The following SPG11 variants were observed in gnomAD, a reference collection of about 807,000 sequenced individuals.
The protein encoded by SPG11 is spatacsin.
In SPG11, 222 loss-of-function variants were observed where a neutral mutation model predicts 274.0. The ratio of observed to expected loss-of-function variants is 0.81; its 90% confidence interval spans 0.73 to 0.91. The LOEUF (loss-of-function observed/expected upper bound fraction) is 0.91. Ranked by LOEUF, SPG11 falls within the 40% of genes least tolerant of loss-of-function variation. The pLI is 0.00. For missense variants in SPG11, 3,114 were observed against 2,872.7 expected, an observed-to-expected ratio of 1.08 and a Z score of -1.92; for synonymous variants, 1,144 against 1,039.7, an observed-to-expected ratio of 1.10 and a Z score of -1.93.
At position 44,573,676 on chromosome 15, in the gene SPG11, A is replaced by G; in HGVS notation, c.6076T>C (p.Ser2026Pro). The G allele has an allele frequency of 6.2e-7, 1 of 1,614,188 alleles. No individual in the cohort carries two copies. The highest frequency in any genetic ancestry group is 8.5e-7 in the Non-Finnish European group (1 of 1,180,032). The change falls in exon 32 of 40, where the codon TCT becomes CCT. Residue 2026 changes from serine (S) to proline (P), a missense_variant. By Grantham distance (74) the Ser-to-Pro change is moderately conservative. Coordinates refer to ENST00000261866, the MANE Select transcript of SPG11 (RefSeq NM_025137.4). Reference protein sequence around the residue: ...GEAMLRKILASQQPDRCKRAQ... With the variant: ...GEAMLRKILAPQQPDRCKRAQ... ...CGTTTGCATCGGTCAGGCTGCTGAG[A>G]GGCCAAGATTTTCCGGAGCATGGCT...
At chr15:44,599,913 T>C (rs1452464286) in intron 21 of SPG11, among the ~76,000 whole-genome samples, 1 of 152,178 alleles carries the variant, frequency 6.6e-6, no homozygotes. Flanking sequence ...TACATAGGTA[T>C]ACATGTGCCA....
chr15:44,636,933 A>AC (rs2084280461), intron 7 of SPG11, among the ~76,000 whole-genome samples: 2 of 120,848 alleles, frequency 1.7e-5, no homozygotes, highest in South Asian at 2.8e-4. Flanking sequence ...CTCAAAAAAA[A>AC]AAAAAAAAAA....
In SPG11 at chr15:44,596,140, C is replaced by G; in HGVS notation, c.4377G>C (p.Leu1459=). Residue 1459 remains leucine (L), a synonymous_variant, in exon 25 of 40, where the codon CTG becomes CTC. Coordinates refer to ENST00000261866, the MANE Select transcript of SPG11 (RefSeq NM_025137.4). ...GGGCCTGTTGTTTCACTGCTTCAAC[C>G]AGAAGCCAGTGCCAGGAGTCTGGCT... The part of the protein sequence containing the change: ...SEEPDSWHWL[L]VEAVKQQAPI... 6.2e-7 allele frequency: 1 copy of G among 1,614,120 alleles called. No homozygotes were observed. The highest frequency in any genetic ancestry group is 8.5e-7 in the Non-Finnish European group (1 of 1,180,038).
Position 44,663,623 on chromosome 15 carries a change from T to A in SPG11, c.25A>T (p.Ser9Cys), listed in dbSNP as rs2085192599. The change falls in exon 1 of 40, where the codon AGT (serine) becomes TGT (cysteine). Residue 9 changes from serine (S) to cysteine (C), a missense_variant. By Grantham distance (112) the Ser-to-Cys change is moderately radical. Transcript: ENST00000261866. Reference sequence around the variant, plus strand: ...CAGCTACCGCCGGCGGAAGCAGCACTCGCGACCCCTTCCTCTGCAGCCATC... The same window carrying A: ...CAGCTACCGCCGGCGGAAGCAGCACACGCGACCCCTTCCTCTGCAGCCATC... MAAEEGVA[S>C]AASAGGSWGT... 1 of 1,596,004 alleles carries A rather than the reference T, an allele frequency of 6.3e-7. No individual in the cohort carries two copies. The highest frequency in any genetic ancestry group is 8.5e-7 in the Non-Finnish European group (1 of 1,176,332).
chr15:44,634,030 G>C (rs986085132), intron 7 of SPG11, among the ~76,000 whole-genome samples: 1 of 152,016 alleles, frequency 6.6e-6, no homozygotes, highest in African/African-American at 2.4e-5. Context: ...GTAGAGACAG[G>C]GTTTCACTGT....
At chr15:44,567,673 G>C (rs2082338268) in intron 35 of SPG11, 81 bp from the exon 36 acceptor site, 1 of 1,466,978 alleles carries the variant, frequency 6.8e-7, no homozygotes, top group African/African-American at 1.4e-5. Flanking sequence ...ACCTTGTTCT[G>C]CATTCCTTAA....
chr15:44,596,945 T>G lies in SPG11; in HGVS notation c.4002-2A>C. The G allele has an allele frequency of 6.2e-7, 1 of 1,613,862 alleles. No individual in the cohort carries two copies. On this transcript the variant is annotated splice_acceptor_variant, in intron 23 of 39. Transcript: ENST00000261866. LOFTEE classifies it high-confidence loss of function. ...TGGCTGCTAGATTCACTGGATAACCTATAATCAGAATTAGAGGTGGGGGTG... is the reference window on the plus strand; with the variant it reads ...TGGCTGCTAGATTCACTGGATAACCGATAATCAGAATTAGAGGTGGGGGTG...
chr15:44,660,771 G>A (rs2085082423), intron 1 of SPG11, among the ~76,000 whole-genome samples, 155 bp from the exon 2 acceptor site: 1 of 152,102 alleles, frequency 6.6e-6, no homozygotes, highest in East Asian at 1.9e-4. Flanking sequence ...ACTGCTCTAG[G>A]ACCTCCCTCC....
chr15:44,564,388 C>G (rs1007390691), intron 39 of SPG11, among the ~76,000 whole-genome samples, 159 bp downstream of exon 39: 4 of 152,170 alleles, frequency 2.6e-5, no homozygotes, highest in African/African-American at 9.7e-5. Flanking sequence ...TTGCATAAAT[C>G]TGTTAAAAGA....
At position 44,592,329 on chromosome 15, in the gene SPG11, A is replaced by C; in HGVS notation, c.4743+2T>G. 1.3e-6 allele frequency: 2 copies of C among 1,571,556 alleles called. No individual in the cohort carries two copies. Among genetic ancestry groups the C allele is most frequent in the Non-Finnish European group, 1.8e-6 (2 of 1,141,492 alleles). On this transcript the variant is annotated splice_donor_variant, in intron 27 of 39. Coordinates refer to ENST00000261866, the MANE Select transcript of SPG11 (RefSeq NM_025137.4). LOFTEE classifies it high-confidence loss of function. Reference sequence around the variant, plus strand: ...AGAAAGAGCACCATAATTCCAACTTACCGTTTCAAGGCTCTTCTGAAACTC... The same window carrying C: ...AGAAAGAGCACCATAATTCCAACTTCCCGTTTCAAGGCTCTTCTGAAACTC...
intron 16 of SPG11, 96 bp from the exon 17 acceptor site, chr15:44,613,632 G>C (rs1217919784): frequency 1.3e-6 from 1 of 747,046 alleles, no homozygotes; most frequent in Non-Finnish European, 2.3e-6. Flanking sequence ...TTTAAAAAAA[G>C]AATCTTGGAA....
At chr15:44,643,698 A>G (rs115147684) in intron 7 of SPG11, among the ~76,000 whole-genome samples, 1,628 of 152,272 alleles carry the variant, frequency 0.011, 34 homozygotes, top group African/African-American at 0.038. Context: ...TCATAAGACT[A>G]AAACACTTTT....
At chr15:44,637,309 T>C (rs2084307242) in intron 7 of SPG11, among the ~76,000 whole-genome samples, 1 of 152,054 alleles carries the variant, frequency 6.6e-6, no homozygotes, top group African/African-American at 2.4e-5. Context: ...GGAAGATACA[T>C]TTTGTTTTCC....
At chr15:44,610,392 CT>C (rs372939206) in intron 18 of SPG11, among the ~76,000 whole-genome samples, 16 of 151,116 alleles carry the variant, frequency 1.1e-4, no homozygotes, top group African/African-American at 3.9e-4. Context: ...AATTTCTTTT[CT>C]TTTTTTTGAG....
intron 33 of SPG11, among the ~76,000 whole-genome samples, chr15:44,571,044 A>T (rs889275359): frequency 6.6e-6 from 1 of 152,196 alleles, no homozygotes; most frequent in African/African-American, 2.4e-5. Flanking sequence ...CTCAGGGCCT[A>T]ATCAAGTGCC....
chr15:44,605,924 A>C, intron 20 of SPG11, 101 bp downstream of exon 20: 1 of 1,046,980 alleles, frequency 9.6e-7, no homozygotes, highest in East Asian at 2.5e-5. Flanking sequence ...CTTTACTTTT[A>C]AAATAAAAAT....
rs761871474 is a variant in SPG11 at position 44,569,393 on chromosome 15, C to T, written c.6585+5G>A. 1.9e-6 allele frequency: 3 copies of T among 1,589,446 alleles called. No homozygotes were observed. The highest frequency in any genetic ancestry group is 1.7e-6 in the Non-Finnish European group (2 of 1,164,568). On this transcript the variant is annotated splice_donor_5th_base_variant and intron_variant, in intron 35 of 39. Coordinates refer to ENST00000261866, the MANE Select transcript of SPG11 (RefSeq NM_025137.4). Reference sequence around the variant, plus strand: ...CCATCCTGGAGCTCATTACTTTGCACCTACCGGATCCAACTTCTTCCTCAT... The same window carrying T: ...CCATCCTGGAGCTCATTACTTTGCATCTACCGGATCCAACTTCTTCCTCAT...
Position 44,608,506 on chromosome 15 carries a change from A to G in SPG11, c.3391T>C (p.Phe1131Leu). The part of the protein sequence containing the change: ...TPYPKLKTAL[F>L]PQCTPPSVLP... ...ACACTAGGAGGAGTGCACTGTGGGA[A>G]GAGAGCAGTTTTTAGCTTGGGGTAA... is the stretch of plus-strand genomic sequence containing the variant. The change falls in exon 19 of 40, where the codon TTC becomes CTC. Residue 1131 changes from phenylalanine to leucine, a missense_variant. Phe to Leu is a conservative substitution (Grantham distance 22). Coordinates refer to ENST00000261866, the MANE Select transcript of SPG11 (RefSeq NM_025137.4). The G allele has an allele frequency of 1.2e-6, 2 of 1,614,176 alleles. No homozygotes were observed. Among genetic ancestry groups the G allele is most frequent in the Non-Finnish European group, 1.7e-6 (2 of 1,180,008 alleles).
At chr15:44,586,592 C>G (rs1231582922) in intron 28 of SPG11, among the ~76,000 whole-genome samples, 1 of 151,758 alleles carries the variant, frequency 6.6e-6, no homozygotes, top group Non-Finnish European at 1.5e-5. Flanking sequence ...TGAAGTGAGC[C>G]GAGATGGTGC....
Sources: gnomAD v4.1 joint callset for allele counts (sites outside exome capture counted in the v4.1 genomes callset) on GRCh38, gnomAD v4.1.1 for gene constraint, MANE v1.5 for transcripts, NCBI Gene and HGNC (gene_info 2026-07-23, HGNC 2026-07-21) for gene names.